TUBAL3: variants seen among roughly 807,000 people sequenced by gnomAD.
TUBAL3 encodes tubulin alpha chain-like 3.
In TUBAL3, 16 loss-of-function variants were observed where a neutral mutation model predicts 15.5. The ratio of observed to expected loss-of-function variants is 1.04; its 90% confidence interval spans 0.70 to 1.57. The LOEUF (loss-of-function observed/expected upper bound fraction) is 1.57. Among genes scored for constraint, TUBAL3 ranks in the 40% most tolerant of loss-of-function variants. The probability of loss-of-function intolerance (pLI) is 0.00; values close to 1 mark genes in which losing one functional copy is unlikely to be tolerated. For missense variants in TUBAL3, 609 were observed against 576.2 expected, an observed-to-expected ratio of 1.06 and a Z score of -0.58; for synonymous variants, 238 against 224.3, an observed-to-expected ratio of 1.06 and a Z score of -0.55.
At position 5,393,804 on chromosome 10, in the gene TUBAL3, C is replaced by G. The variant is rs1831714939; in HGVS notation, c.1054G>C (p.Asp352His). 6.2e-7 allele frequency: 1 copy of G among 1,614,098 alleles called. No homozygotes were observed. Among genetic ancestry groups the G allele is most frequent in the Admixed American group, 1.7e-5 (1 of 60,012 alleles). ...ACCTTGAAACCAGTTGGACACCAAT[C>G]TACAAACTGAACAGAGTGCCTCGAC... ...TKSRHSVQFV[D>H]WCPTGFKVGI... The change falls in exon 4 of 4, where the codon GAT (aspartate) becomes CAT (histidine). Residue 352 changes from aspartate to histidine, a missense_variant. Transcript: ENST00000380419.
chr10:5,401,749 TA>T (rs1226956066), intron 1 of TUBAL3, among the ~76,000 whole-genome samples: 31 of 150,120 alleles, frequency 2.1e-4, no homozygotes, highest in Admixed American at 1.7e-3. Flanking sequence ...ATCAACTTTC[TA>T]AAAAAAAACA....
chr10:5,402,563 T>A (rs1472957332), intron 1 of TUBAL3, among the ~76,000 whole-genome samples: 1 of 152,024 alleles, frequency 6.6e-6, no homozygotes, highest in Non-Finnish European at 1.5e-5. Context: ...CTCCTGTCAA[T>A]CCCTCACCTG....
At position 5,395,698 on chromosome 10, in the gene TUBAL3, C is replaced by T. The variant is rs180905024; in HGVS notation, c.248-223G>A. Among the ~76,000 whole-genome samples, 3 of 152,314 alleles carry T rather than the reference C, an allele frequency of 2.0e-5. No individual in the cohort carries two copies. In the East Asian group the frequency reaches 5.8e-4, roughly 29 times the overall value. ...AAGTATGTTTTTCTACCATGCACCC[C>T]TTATTAGTTTCCTAGTGCTGCCATA... On this transcript the variant is annotated intron_variant, in intron 2 of 3. Transcript: ENST00000380419. This position sits in a 1 kb window ranked among gnomAD's most constrained non-coding sequence, Gnocchi z 4.6.
chr10:5,393,466 A>G lies in TUBAL3; in HGVS notation c.*51T>C. 6.7e-7 allele frequency: 1 copy of G among 1,503,018 alleles called. No individual in the cohort carries two copies. Among genetic ancestry groups the G allele is most frequent in the Non-Finnish European group, 8.9e-7 (1 of 1,117,428 alleles). The allele number at this position is 1,503,018 out of a possible 1,614,324, so 93.1% of individuals were successfully genotyped here. ...CCACTAGGCATATAACGGCTTGAAA[A>G]GAAAACATGCCATTTTAACTTGACA... On this transcript the variant is annotated 3_prime_UTR_variant, in exon 4 of 4. Transcript: ENST00000380419.
At position 5,395,369 on chromosome 10, in the gene TUBAL3, C is replaced by T; in HGVS notation, c.354G>A (p.Gly118=). 3 of 1,603,352 alleles carry T rather than the reference C, an allele frequency of 1.9e-6. No individual in the cohort carries two copies. Among genetic ancestry groups the T allele is most frequent in the Admixed American group, 1.7e-5 (1 of 59,182 alleles). ...CCAGCACAAGGTCGATGACCTCCGA[C>T]CCCACAGAGTAACGGCCTCGCGCGT... ...NNYARGRYSV[G]SEVIDLVLER... is the part of the protein sequence containing the mutation. Residue 118 remains glycine (G), a synonymous_variant, in exon 3 of 4, where the codon GGG becomes GGA. Transcript: ENST00000380419. The surrounding 1 kb of genome is among the most constrained non-coding windows in gnomAD (Gnocchi z 4.6).
chr10:5,401,136 G>A (rs2119147651), intron 1 of TUBAL3, 49 bp from the exon 2 acceptor site: 2 of 1,602,580 alleles, frequency 1.2e-6, no homozygotes. Context: ...TTAGAAAACA[G>A]GAGATCTGTT....
In TUBAL3 at chr10:5,393,221, GAT is replaced by G. The variant is rs1554813637; in HGVS notation, c.*294_*295del. On this transcript the variant is annotated 3_prime_UTR_variant, in exon 4 of 4. Coordinates refer to ENST00000380419, the MANE Select transcript of TUBAL3 (RefSeq NM_024803.3). ...CAGAAAGGAAAAGCATAAACTTCAG[GAT>G]TTCATTGTCTCTTGGTAAAACAAAA... is the stretch of plus-strand genomic sequence containing the variant. The G allele has an allele frequency of 3.3e-6, 1 of 303,934 alleles. No individual in the cohort carries two copies. Among genetic ancestry groups the G allele is most frequent in the Non-Finnish European group, 6.0e-6 (1 of 166,466 alleles). 18.8% of individuals were successfully genotyped at this position (303,934 alleles called of 1,614,324 possible).
chr10:5,400,896 A>C lies in TUBAL3; in HGVS notation c.195T>G (p.Ala65=). 2 of 1,614,236 alleles carry C rather than the reference A, an allele frequency of 1.2e-6. No individual in the cohort carries two copies. The highest frequency in any genetic ancestry group is 1.7e-6 in the Non-Finnish European group (2 of 1,180,034). Residue 65 remains alanine (A), a synonymous_variant, in exon 2 of 4, where the codon GCT becomes GCG. Transcript: ENST00000380419. The stretch of plus-strand genomic sequence containing the variant: ...AGAGTGCTCTAGGCACATGCTTCCC[A>C]GCTCTTGTCTCACAGAAGAAGGTAT... ...SFDTFFCETR[A]GKHVPRALFV...
At chr10:5,402,124 G>T (rs1831863024) in intron 1 of TUBAL3, among the ~76,000 whole-genome samples, 1 of 152,140 alleles carries the variant, frequency 6.6e-6, no homozygotes, top group Non-Finnish European at 1.5e-5. Context: ...AATGCATCAA[G>T]ATATTAAGTT....
At chr10:5,398,798 T>G (rs1432466916) in intron 2 of TUBAL3, among the ~76,000 whole-genome samples, 1 of 152,150 alleles carries the variant, frequency 6.6e-6, no homozygotes, top group African/African-American at 2.4e-5. Context: ...TTAGTGTGAG[T>G]ATATTTTATG....
chr10:5,398,141 C>T (rs781975710), intron 2 of TUBAL3, among the ~76,000 whole-genome samples: 20 of 152,080 alleles, frequency 1.3e-4, no homozygotes, highest in Non-Finnish European at 2.4e-4. Context: ...AAAAAATTGG[C>T]CGGGTGCAGT....
Position 5,394,009 on chromosome 10 carries a change from G to A in TUBAL3, c.849C>T (p.Val283=), listed in dbSNP as rs1831719906. 2 of 1,614,222 alleles carry A rather than the reference G, an allele frequency of 1.2e-6. No homozygotes were observed. The highest frequency in any genetic ancestry group is 1.3e-5 in the African/African-American group (1 of 75,048). The part of the protein sequence containing the change: ...HFPMTAFAPI[V]SADKAYHEQF... The stretch of plus-strand genomic sequence containing the variant: ...GCTCATGGTAGGCTTTGTCAGCAGA[G>A]ACGATGGGGGCGAAGGCTGTCATGG... Residue 283 remains valine, a synonymous_variant, in exon 4 of 4, where the codon GTC becomes GTT. Coordinates refer to ENST00000380419, the MANE Select transcript of TUBAL3 (RefSeq NM_024803.3). The surrounding 1 kb of genome is among the most constrained non-coding windows in gnomAD (Gnocchi z 4.3).
chr10:5,401,211 A>G (rs967226246), intron 1 of TUBAL3, 124 bp from the exon 2 acceptor site: 1 of 1,200,868 alleles, frequency 8.3e-7, no homozygotes, highest in East Asian at 2.4e-5. Context: ...GGAATGTGTT[A>G]TAAGGATAAT....
Position 5,394,526 on chromosome 10 carries a change from T to C in TUBAL3, c.397-65A>G, listed in dbSNP as rs576781865. On this transcript the variant is annotated intron_variant, in intron 3 of 3. Coordinates refer to ENST00000380419, the MANE Select transcript of TUBAL3 (RefSeq NM_024803.3). This position sits in a 1 kb window ranked among gnomAD's most constrained non-coding sequence, Gnocchi z 4.3. Reference sequence around the variant, plus strand: ...AATCCAGAAGCAGTGAATTGGACAGTAGTGGCAGGATACAACAGGTTTCCC... The same window carrying C: ...AATCCAGAAGCAGTGAATTGGACAGCAGTGGCAGGATACAACAGGTTTCCC... 2 of 1,431,084 alleles carry C rather than the reference T, an allele frequency of 1.4e-6. No individual in the cohort carries two copies. Among genetic ancestry groups the C allele is most frequent in the East Asian group, 2.3e-5 (1 of 43,726 alleles). 88.6% of individuals were successfully genotyped at this position (1,431,084 alleles called of 1,614,324 possible).
In TUBAL3 at chr10:5,393,731, G is replaced by T. The variant is rs782533397; in HGVS notation, c.1127C>A (p.Ala376Asp). The T allele has an allele frequency of 6.2e-7, 1 of 1,614,168 alleles. No individual in the cohort carries two copies. The highest frequency in any genetic ancestry group is 8.5e-7 in the Non-Finnish European group (1 of 1,180,030). ...CATGCAGATGGACCGGTGGACTTTG[G>T]CCAGGTCCCCACCCGGCATCACCGT... ...PPTVMPGGDL[A>D]KVHRSICMLS... is the part of the protein sequence containing the mutation. The change falls in exon 4 of 4, where the codon GCC becomes GAC. Residue 376 changes from alanine (A) to aspartate (D), a missense_variant. Ala to Asp is a moderately radical substitution (Grantham distance 126, BLOSUM62 -2). Transcript: ENST00000380419.
chr10:5,400,913 A>G lies in TUBAL3; in HGVS notation c.178T>C (p.Phe60Leu), dbSNP rs142953109. Residue 60 changes from phenylalanine to leucine, a missense_variant, in exon 2 of 4, where the codon TTC becomes CTC. Coordinates refer to ENST00000380419, the MANE Select transcript of TUBAL3 (RefSeq NM_024803.3). ...TGCTTCCCAGCTCTTGTCTCACAGA[A>G]GAAGGTATCGAAAGATGCATTTGTG... ...EHTNASFDTF[F>L]CETRAGKHVP... 13 of 1,614,134 alleles carry G rather than the reference A, an allele frequency of 8.1e-6. No homozygotes were observed. The highest frequency in any genetic ancestry group is 2.2e-5 in the South Asian group (2 of 91,096).
Position 5,400,848 on chromosome 10 carries a change from A to G in TUBAL3, c.243T>C (p.Val81=). The G allele has an allele frequency of 6.2e-7, 1 of 1,614,182 alleles. No individual in the cohort carries two copies. Among genetic ancestry groups the G allele is most frequent in the Non-Finnish European group, 8.5e-7 (1 of 1,180,016 alleles). The change falls in exon 2 of 4, where the codon GTT becomes GTC. Residue 81 remains valine (V), a synonymous_variant. Transcript: ENST00000380419. ...RALFVDLEPT[V]IDGIRTGQHR... Reference sequence around the variant, plus strand: ...AGAATGGAACATTTATTGTACCTATAACAGTTGGCTCCAAGTCCACGAAGA... The same window carrying G: ...AGAATGGAACATTTATTGTACCTATGACAGTTGGCTCCAAGTCCACGAAGA...
At chr10:5,403,543 T>A (rs202034473) in intron 1 of TUBAL3, among the ~76,000 whole-genome samples, 1 of 148,052 alleles carries the variant, frequency 6.8e-6, no homozygotes, top group African/African-American at 2.5e-5. Flanking sequence ...TCACTAACAT[T>A]AAAAAAAAAA....
chr10:5,394,630 A>G lies in TUBAL3; in HGVS notation c.397-169T>C, dbSNP rs1481470379. Among the ~76,000 whole-genome samples, 2 of 152,216 alleles carry G rather than the reference A, an allele frequency of 1.3e-5. No individual in the cohort carries two copies. Among genetic ancestry groups the G allele is most frequent in the East Asian group, 3.8e-4 (2 of 5,204 alleles). On this transcript the variant is annotated intron_variant, in intron 3 of 3. Transcript: ENST00000380419. The surrounding 1 kb of genome is among the most constrained non-coding windows in gnomAD (Gnocchi z 4.3). The stretch of plus-strand genomic sequence containing the variant: ...ACATAGCTACTTTGAAATACTCTCA[A>G]GGGGACTTCTGGAGTAGGCAAAGCA...
Sources: allele counts gnomAD v4.1 joint callset (sites outside exome capture counted in the v4.1 genomes callset), GRCh38; gene constraint gnomAD v4.1.1; non-coding constraint Gnocchi (gnomAD v3.1); transcripts MANE v1.5; gene names NCBI Gene and HGNC (gene_info 2026-07-23, HGNC 2026-07-21).